Variants in CHCHD6 observed in about 807,000 individuals in gnomAD.
CHCHD6 encodes coiled-coil-helix-coiled-coil-helix domain containing 6, also known as MICOS complex subunit MIC25.
CHCHD6 carries 28 observed loss-of-function variants against 32.3 expected under a neutral mutation model. The observed-to-expected ratio is 0.87, with a 90% CI of 0.64 to 1.19. The LOEUF (loss-of-function observed/expected upper bound fraction) is 1.19, where lower values mean the gene tolerates loss of function less well. Ranked by LOEUF, CHCHD6 falls within the 50% of genes most tolerant of loss-of-function variation. The pLI is 0.00. For synonymous variants in CHCHD6, 122 were observed against 117.5 expected (o/e 1.04, Z -0.25); for missense variants, 333 against 307.0 (o/e 1.08, Z -0.63).
intron 4 of CHCHD6, among the ~76,000 whole-genome samples, chr3:126,807,307 T>C (rs769268805): frequency 6.6e-6 from 1 of 151,720 alleles, no homozygotes; most frequent in Non-Finnish European, 1.5e-5. Flanking sequence ...GAAGAAAAAG[T>C]TTTTTTTCTT....
At chr3:126,874,093 A>T (rs1324608659) in intron 5 of CHCHD6, among the ~76,000 whole-genome samples, 3 of 152,218 alleles carry the variant, frequency 2.0e-5, no homozygotes. Flanking sequence ...CCCTCCAGAC[A>T]GTCTGCTTCC....
intron 4 of CHCHD6, among the ~76,000 whole-genome samples, chr3:126,769,605 T>C (rs1937508280): frequency 6.6e-6 from 1 of 152,110 alleles, no homozygotes; most frequent in African/African-American, 2.4e-5. Context: ...CCAGTTCAAA[T>C]GATTCTCCTG....
chr3:126,849,303 C>T (rs1364445919), intron 4 of CHCHD6, among the ~76,000 whole-genome samples: 2 of 152,248 alleles, frequency 1.3e-5, no homozygotes, highest in Non-Finnish European at 2.9e-5. Flanking sequence ...AGACTTGGAG[C>T]CAGCAGGCCT....
At chr3:126,729,226 C>T (rs370393675) in intron 2 of CHCHD6, among the ~76,000 whole-genome samples, 66 of 152,118 alleles carry the variant, frequency 4.3e-4, no homozygotes, top group African/African-American at 1.5e-3. Flanking sequence ...TAACATTTGA[C>T]AAAGTCCTAG....
At chr3:126,912,275 G>A (rs1435613717) in intron 5 of CHCHD6, among the ~76,000 whole-genome samples, 1 of 152,198 alleles carries the variant, frequency 6.6e-6, no homozygotes, top group Admixed American at 6.5e-5. Context: ...TGGCGGAAGG[G>A]CGTCTGCATG....
chr3:126,863,315 T>C (rs1373079069), intron 5 of CHCHD6, among the ~76,000 whole-genome samples: 59 of 45,000 alleles, frequency 1.3e-3, no homozygotes, highest in Non-Finnish European at 1.4e-3. Context: ...TCCTCCTCCA[T>C]CACCACCTCC....
chr3:126,882,048 T>C (rs2077617726), intron 5 of CHCHD6, among the ~76,000 whole-genome samples: 1 of 152,222 alleles, frequency 6.6e-6, no homozygotes, highest in African/African-American at 2.4e-5. Context: ...AATGAATCTC[T>C]GGGTTGGCCA....
intron 1 of CHCHD6, among the ~76,000 whole-genome samples, chr3:126,721,991 T>A (rs1348490315): frequency 6.6e-6 from 1 of 152,222 alleles, no homozygotes; most frequent in South Asian, 2.1e-4. Flanking sequence ...TATCCATTCA[T>A]TGGTTGATGA....
At chr3:126,920,683 C>G (rs2078234027) in intron 6 of CHCHD6, among the ~76,000 whole-genome samples, 1 of 152,218 alleles carries the variant, frequency 6.6e-6, no homozygotes, top group Non-Finnish European at 1.5e-5. Context: ...CTCCCTAAGT[C>G]CTAGCTGCCC....
intron 4 of CHCHD6, among the ~76,000 whole-genome samples, chr3:126,801,820 G>A (rs928413356): frequency 2.0e-5 from 3 of 152,206 alleles, no homozygotes; most frequent in Non-Finnish European, 4.4e-5. Context: ...CCCCCAGTAG[G>A]GGCAGACTGA....
chr3:126,894,925 A>G (rs2077816598), intron 5 of CHCHD6, among the ~76,000 whole-genome samples: 2 of 152,334 alleles, frequency 1.3e-5, no homozygotes, highest in South Asian at 2.1e-4. Flanking sequence ...ATTTAAGTCA[A>G]TGCAAAATTG....
intron 6 of CHCHD6, among the ~76,000 whole-genome samples, chr3:126,925,581 C>A (rs745941): frequency 0.64 from 97,843 of 152,034 alleles, 32,352 homozygotes; most frequent in East Asian, 0.82. Flanking sequence ...GACCATGAGC[C>A]GCAGAAGGGC....
intron 1 of CHCHD6, among the ~76,000 whole-genome samples, chr3:126,712,609 G>T (rs1338285923): frequency 6.6e-6 from 1 of 152,180 alleles, no homozygotes; most frequent in Non-Finnish European, 1.5e-5. Flanking sequence ...ATTGGAAGGG[G>T]TCGCTCCTGC....
chr3:126,813,692 G>T (rs1281165935), intron 4 of CHCHD6, among the ~76,000 whole-genome samples: 1 of 152,202 alleles, frequency 6.6e-6, no homozygotes, highest in Non-Finnish European at 1.5e-5. Flanking sequence ...AGGGCCCTTG[G>T]ATGCCCATCA....
chr3:126,927,255 C>T (rs991475612), intron 6 of CHCHD6, among the ~76,000 whole-genome samples: 1 of 152,320 alleles, frequency 6.6e-6, no homozygotes, highest in South Asian at 2.1e-4. Context: ...ATGGGGCATG[C>T]GCTGAACATG....
intron 5 of CHCHD6, among the ~76,000 whole-genome samples, chr3:126,885,664 T>C (rs1449387373): frequency 6.6e-6 from 1 of 152,200 alleles, no homozygotes; most frequent in Non-Finnish European, 1.5e-5. Flanking sequence ...TAAAGAACCA[T>C]TACTCTAACT....
chr3:126,819,768 A>G (rs1271697836), intron 4 of CHCHD6, among the ~76,000 whole-genome samples: 1 of 152,260 alleles, frequency 6.6e-6, no homozygotes, highest in Non-Finnish European at 1.5e-5. Context: ...GATTGGACCT[A>G]CAAGCCCTGG....
At chr3:126,845,810 G>A (rs566314874) in intron 4 of CHCHD6, among the ~76,000 whole-genome samples, 15 of 152,080 alleles carry the variant, frequency 9.9e-5, no homozygotes, top group Middle Eastern at 3.4e-3. Flanking sequence ...TATAGTTTCC[G>A]GTGGTGTCAG....
chr3:126,849,955 G>T (rs1236036876), intron 4 of CHCHD6, among the ~76,000 whole-genome samples: 1 of 152,246 alleles, frequency 6.6e-6, no homozygotes, highest in African/African-American at 2.4e-5. Context: ...AGACTGCGGG[G>T]CAACTGTGTG....
Sources: gnomAD v4.1 joint callset for allele counts (sites outside exome capture counted in the v4.1 genomes callset) on GRCh38, gnomAD v4.1.1 for gene constraint, MANE v1.5 for transcripts, NCBI Gene and HGNC (gene_info 2026-07-23, HGNC 2026-07-21) for gene names.